Variants in SYNE2 observed in about 807,000 individuals in gnomAD.
SYNE2 encodes the protein spectrin repeat containing nuclear envelope protein 2, also known as nesprin-2.
SYNE2 carries 431 observed loss-of-function variants against 856.3 expected under a neutral mutation model. That is an observed-to-expected ratio of 0.50 (90% CI 0.47 to 0.55). The LOEUF is 0.55. Ranked by LOEUF, SYNE2 falls within the 20% of genes least tolerant of loss-of-function variation. SYNE2 has a pLI of 0.00. For missense variants in SYNE2, 8,129 were observed against 8,023.2 expected (o/e 1.01, Z -0.50); for synonymous variants, 2,923 against 2,872.3 (o/e 1.02, Z -0.56).
chr14:64,130,008 G>A (rs144099430), intron 75 of SYNE2, 40 bp from the exon 76 acceptor site: 5 of 1,613,194 alleles, frequency 3.1e-6, no homozygotes, highest in Non-Finnish European at 4.2e-6. Context: ...TGCCCCGGTT[G>A]GATGAAAATG....
At position 64,081,451 on chromosome 14, in the gene SYNE2, T is replaced by G; in HGVS notation, c.11355T>G (p.Val3785=). The G allele has an allele frequency of 6.2e-7, 1 of 1,614,152 alleles. No individual in the cohort carries two copies. The highest frequency in any genetic ancestry group is 1.6e-4 in the Middle Eastern group (1 of 6,062). Residue 3785 remains valine, a synonymous_variant, in exon 57 of 116, where the codon GTT becomes GTG. Coordinates refer to ENST00000555002, the MANE Select transcript of SYNE2 (RefSeq NM_182914.3). The stretch of plus-strand genomic sequence containing the variant: ...CTGCATCTCTTTCCCAGGCCACAGT[T>G]AAGATGGAGGAATATAGTGACCTTC... ...CRTSQLNKAT[V]KMEEYSDLLK... is the part of the protein sequence containing the mutation.
At chr14:63,935,824 G>A (rs1211892798) in intron 2 of SYNE2, among the ~76,000 whole-genome samples, 1 of 151,952 alleles carries the variant, frequency 6.6e-6, no homozygotes, top group Non-Finnish European at 1.5e-5. Context: ...GACCAGCCTG[G>A]GCAACGTAGT....
At chr14:64,102,501 A>AT (rs1211142346) in intron 64 of SYNE2, among the ~76,000 whole-genome samples, 3,297 of 118,266 alleles carry the variant, frequency 0.028, 113 homozygotes, top group African/African-American at 0.055. Flanking sequence ...CATGGGCTGA[A>AT]TTTTTTTTTT....
chr14:64,209,645 A>C, intron 102 of SYNE2, 67 bp downstream of exon 102: 1 of 1,598,514 alleles, frequency 6.3e-7, no homozygotes, highest in Admixed American at 1.7e-5. Flanking sequence ...GGGGCTGCTG[A>C]AATGACTTCC....
At position 63,873,191 on chromosome 14, in the gene SYNE2, C is replaced by G. The variant is rs76574251; in HGVS notation, c.-52+20048C>G. ...CTACTCATATTTGAAAATGGGTATA[C>G]TCTAATCAGACTGATGTGAAGTACA... On this transcript the variant is annotated intron_variant, in intron 1 of 115. Coordinates refer to ENST00000555002, the MANE Select transcript of SYNE2 (RefSeq NM_182914.3). Among the ~76,000 whole-genome samples the G allele has an allele frequency of 1.1e-3, 173 of 152,262 alleles. 3 individuals are homozygous for G. The South Asian group carries it at 0.017, about 15-fold the overall frequency.
intron 77 of SYNE2, among the ~76,000 whole-genome samples, chr14:64,132,819 GA>G (rs1224691020): frequency 2.0e-5 from 3 of 151,992 alleles, no homozygotes; most frequent in Non-Finnish European, 4.4e-5. Flanking sequence ...TAAACTCAAA[GA>G]AAAAAATAAG....
At chr14:63,894,785 A>G (rs971932034) in intron 1 of SYNE2, among the ~76,000 whole-genome samples, 5 of 152,164 alleles carry the variant, frequency 3.3e-5, no homozygotes, top group Admixed American at 1.3e-4. Context: ...CTCTCTCTCC[A>G]TTACTCTGTT....
rs749866648 is a variant in SYNE2, at chr14:64,065,391, A to G, written c.10213-41A>G. The stretch of plus-strand genomic sequence containing the variant: ...AGTTAGTAAGTTTCAGGAAAACCAT[A>G]ATAGTATGTCCCTCTTATTTTTTTT... On this transcript the variant is annotated intron_variant, in intron 50 of 115. Transcript: ENST00000555002. 3.2e-6 allele frequency: 5 copies of G among 1,564,862 alleles called. No homozygotes were observed. In the South Asian group the frequency reaches 5.6e-5, roughly 18 times the overall value.
chr14:63,999,881 T>A (rs74056267), intron 27 of SYNE2, among the ~76,000 whole-genome samples: 1,752 of 152,314 alleles, frequency 0.012, 27 homozygotes, highest in African/African-American at 0.04. Flanking sequence ...AAAATTTATA[T>A]GTTAAAATCC....
rs768577226 is a variant in SYNE2, at chr14:64,016,518, G to A, written c.4774G>A (p.Asp1592Asn). 6.2e-7 allele frequency: 1 copy of A among 1,602,102 alleles called. No individual in the cohort carries two copies. The highest frequency in any genetic ancestry group is 1.7e-5 in the Admixed American group (1 of 59,076). ...EEFNEHLEVV[D>N]KINQVCKNLQ... ...ATTTAATGAGCATTTAGAAGTTGTA[G>A]ACAAGATAAACCAGGTCTGCAAAAA... The change falls in exon 33 of 116, where the codon GAC becomes AAC. Residue 1592 changes from aspartate to asparagine, a missense_variant. By Grantham distance (23) the Asp-to-Asn change is conservative. Around this residue, in one of 3 missense-constraint regions of SYNE2, gnomAD observed 2,422 missense variants for 2,357.4 expected, o/e 1.03. Coordinates refer to ENST00000555002, the MANE Select transcript of SYNE2 (RefSeq NM_182914.3).
chr14:63,976,646 G>A lies in SYNE2; in HGVS notation c.1212G>A (p.Glu404=). Residue 404 remains glutamate, a synonymous_variant, in exon 12 of 116, where the codon GAG becomes GAA. Coordinates refer to ENST00000555002, the MANE Select transcript of SYNE2 (RefSeq NM_182914.3). ...QTEAWLQEVE[E]LMDEDLSASQ... ...AAGCTTGGCTCCAGGAGGTAGAAGA[G>A]CTTATGGATGAAGATTTGTCAGCCT... The A allele has an allele frequency of 6.2e-6, 10 of 1,610,654 alleles. No homozygotes were observed. The highest frequency in any genetic ancestry group is 7.6e-6 in the Non-Finnish European group (9 of 1,179,614).
intron 76 of SYNE2, 78 bp from the exon 77 acceptor site, chr14:64,132,187 A>C: frequency 6.6e-7 from 1 of 1,520,906 alleles, no homozygotes; most frequent in Non-Finnish European, 9.1e-7. Flanking sequence ...AAATAACTGG[A>C]TATAAAGTTG....
At chr14:64,000,783 T>C (rs1162072649) in intron 28 of SYNE2, 64 bp downstream of exon 28, 2 of 1,438,794 alleles carry the variant, frequency 1.4e-6, no homozygotes, top group African/African-American at 2.8e-5. Context: ...AATGCCATTT[T>C]AAGCAAGATT....
chr14:64,177,234 G>A, intron 95 of SYNE2, 124 bp from the exon 96 acceptor site: 2 of 1,215,514 alleles, frequency 1.6e-6, no homozygotes, highest in Non-Finnish European at 1.2e-6. Context: ...GGAACTGGGT[G>A]TCTGTGTGAT....
At chr14:63,883,981 G>A (rs970114227) in intron 1 of SYNE2, among the ~76,000 whole-genome samples, 6 of 151,992 alleles carry the variant, frequency 3.9e-5, no homozygotes, top group African/African-American at 1.4e-4. Flanking sequence ...GAGTCATTGG[G>A]TGGTGATGGG....
intron 2 of SYNE2, among the ~76,000 whole-genome samples, chr14:63,919,985 T>TTTTTTTTTTTTTTTTTTA (rs2095579546): frequency 6.6e-6 from 1 of 151,218 alleles, no homozygotes; most frequent in Non-Finnish European, 1.5e-5. Context: ...TTTTTTTTTT[T>TTTTTTTTTTTTTTTTTTA]TTTTTTAAGG....
At chr14:63,879,316 T>G (rs765790257) in intron 1 of SYNE2, among the ~76,000 whole-genome samples, 1 of 152,218 alleles carries the variant, frequency 6.6e-6, no homozygotes, top group Non-Finnish European at 1.5e-5. Flanking sequence ...GACTTGACCC[T>G]CTGAAAATTA....
chr14:64,072,858 T>G (rs1256074458), intron 52 of SYNE2, among the ~76,000 whole-genome samples: 2 of 152,194 alleles, frequency 1.3e-5, no homozygotes, highest in Non-Finnish European at 2.9e-5. Context: ...CTTTCTTGGG[T>G]TCAATTAATT....
At chr14:64,098,676 C>T in intron 62 of SYNE2, 71 bp from the exon 63 acceptor site, 4 of 1,504,122 alleles carry the variant, frequency 2.7e-6, no homozygotes, top group Non-Finnish European at 3.7e-6. Flanking sequence ...CATAAAAATG[C>T]AGCTGGACTG....
Sources: allele counts gnomAD v4.1 joint callset (sites outside exome capture counted in the v4.1 genomes callset), GRCh38; gene constraint gnomAD v4.1.1; regional missense constraint gnomAD v4.1.1; transcripts MANE v1.5; gene names NCBI Gene and HGNC (gene_info 2026-07-23, HGNC 2026-07-21).